ICA1: variants seen among roughly 807,000 people sequenced by gnomAD.
ICA1 encodes islet cell autoantigen 1, also known as 69 kDa islet cell autoantigen.
In ICA1, 40 loss-of-function variants were observed where a neutral mutation model predicts 71.0. That is an observed-to-expected ratio of 0.56 (90% CI 0.44 to 0.73). The LOEUF (loss-of-function observed/expected upper bound fraction) is 0.73, where lower values mean the gene tolerates loss of function less well. ICA1 is among the 30% of genes least tolerant of loss of function. ICA1 has a pLI of 0.00. For synonymous variants in ICA1, 207 were observed against 209.5 expected (o/e 0.99, Z 0.10); for missense variants, 578 against 576.5 (o/e 1.00, Z -0.03).
Position 8,185,252 on chromosome 7 carries a change from G to C in ICA1, c.580-26600C>G, listed in dbSNP as rs190175024. ...AATCCTGACCTTGTAAGAATTATAA[G>C]TGAACACATCAATGTACCTAATGTA... On this transcript the variant is annotated intron_variant, in intron 6 of 13. Transcript: ENST00000402384. Among the ~76,000 whole-genome samples the C allele has an allele frequency of 1.4e-4, 22 of 152,238 alleles. No individual in the cohort carries two copies. The East Asian group carries it at 4.2e-3, about 29-fold the overall frequency.
intron 6 of ICA1, among the ~76,000 whole-genome samples, chr7:8,187,767 T>G (rs189387224): frequency 7.2e-4 from 110 of 152,354 alleles, no homozygotes; most frequent in Non-Finnish European, 7.8e-4. Context: ...TTTTCACTTT[T>G]TAAACTTCTT....
At chr7:8,118,718 G>C (rs1429752449) in intron 13 of ICA1, among the ~76,000 whole-genome samples, 1 of 152,158 alleles carries the variant, frequency 6.6e-6, no homozygotes, top group Non-Finnish European at 1.5e-5. Context: ...ACTGGTAACT[G>C]TCACCCTTTC....
At position 8,113,293 on chromosome 7, in the gene ICA1, G is replaced by C. The variant is rs1783756265; in HGVS notation, c.*630C>G. 6.6e-6 allele frequency: 1 copy of C among 152,078 alleles called. No homozygotes were observed. Among genetic ancestry groups the C allele is most frequent in the Admixed American group, 6.5e-5 (1 of 15,272 alleles). The allele number at this position is 152,078 out of a possible 1,614,324, so 9.4% of individuals were successfully genotyped here. ...ATTCCAGCCACGAAGAGGACAAAAGGAGACAGTGGTATCTGCAAATATGGC... is the reference window on the plus strand; with the variant it reads ...ATTCCAGCCACGAAGAGGACAAAAGCAGACAGTGGTATCTGCAAATATGGC... On this transcript the variant is annotated 3_prime_UTR_variant, in exon 14 of 14. Coordinates refer to ENST00000402384, the MANE Select transcript of ICA1 (RefSeq NM_001136020.3). The surrounding 1 kb of genome is among the most constrained non-coding windows in gnomAD (Gnocchi z 4.2).
At chr7:8,227,395 G>A (rs990390780) in intron 4 of ICA1, among the ~76,000 whole-genome samples, 1 of 152,126 alleles carries the variant, frequency 6.6e-6, no homozygotes, top group Non-Finnish European at 1.5e-5. Flanking sequence ...AGCTATTTAG[G>A]AGGCAAAATA....
chr7:8,254,443 G>C (rs1809323459), intron 1 of ICA1, among the ~76,000 whole-genome samples: 1 of 150,474 alleles, frequency 6.6e-6, no homozygotes, highest in Non-Finnish European at 1.5e-5. Flanking sequence ...GCAGGCAGCA[G>C]AAGAAAGCAC....
At chr7:8,229,898 A>G (rs779057547) in intron 3 of ICA1, among the ~76,000 whole-genome samples, 2 of 152,222 alleles carry the variant, frequency 1.3e-5, no homozygotes, top group African/African-American at 2.4e-5. Flanking sequence ...AAAACCCACT[A>G]ACACATAGTA....
At chr7:8,211,251 A>C (rs894668945) in intron 6 of ICA1, among the ~76,000 whole-genome samples, 7 of 152,156 alleles carry the variant, frequency 4.6e-5, no homozygotes, top group Non-Finnish European at 8.8e-5. Flanking sequence ...AAATATGGTA[A>C]CTATAAAAAA....
At chr7:8,151,785 T>A (rs574505247) in intron 8 of ICA1, among the ~76,000 whole-genome samples, 17 of 152,160 alleles carry the variant, frequency 1.1e-4, no homozygotes, top group Non-Finnish European at 2.2e-4. Context: ...TAGAAAAGGA[T>A]GTTTTTTGAA....
At chr7:8,125,153 G>C (rs1788681321) in intron 13 of ICA1, among the ~76,000 whole-genome samples, 1 of 152,206 alleles carries the variant, frequency 6.6e-6, no homozygotes, top group African/African-American at 2.4e-5. Context: ...CTAGCAGACA[G>C]AATGACCCTT....
intron 3 of ICA1, among the ~76,000 whole-genome samples, chr7:8,230,674 A>G (rs1016875606): frequency 6.6e-6 from 1 of 152,244 alleles, no homozygotes; most frequent in African/African-American, 2.4e-5. Context: ...GTTCTTAAGA[A>G]GAAAATACTA....
chr7:8,158,764 T>C, intron 6 of ICA1, 112 bp from the exon 7 acceptor site: 1 of 1,115,652 alleles, frequency 9.0e-7, no homozygotes. Context: ...GAAAAGACTT[T>C]TGAAAATTCC....
At chr7:8,161,638 G>T (rs1438009254) in intron 6 of ICA1, among the ~76,000 whole-genome samples, 1 of 152,194 alleles carries the variant, frequency 6.6e-6, no homozygotes, top group Non-Finnish European at 1.5e-5. Flanking sequence ...CTGGAGGGGG[G>T]TGAGAAACAT....
chr7:8,250,189 TTGTCTC>T (rs1227546615), intron 1 of ICA1, among the ~76,000 whole-genome samples: 1 of 152,240 alleles, frequency 6.6e-6, no homozygotes, highest in Admixed American at 6.5e-5. Flanking sequence ...TCCTAGATGT[TTGTCTC>T]TGTCACTTCC....
intron 8 of ICA1, among the ~76,000 whole-genome samples, chr7:8,153,143 C>T (rs1174079189): frequency 6.6e-6 from 1 of 152,234 alleles, no homozygotes; most frequent in Non-Finnish European, 1.5e-5. Context: ...AAAGCTAGGT[C>T]TGGCTGGCTC....
Position 8,133,891 on chromosome 7 carries a change from C to A in ICA1, c.1060+4949G>T, listed in dbSNP as rs73674827. On this transcript the variant is annotated intron_variant, in intron 12 of 13. Coordinates refer to ENST00000402384, the MANE Select transcript of ICA1 (RefSeq NM_001136020.3). ...TGCAACCAATAGGAATCTTAGAGAT[C>A]ATCTCCTCTAACTCACTTTACAGAT... is the stretch of plus-strand genomic sequence containing the variant. 7.7e-3 allele frequency among the ~76,000 whole-genome samples: 1,024 copies of A among 133,456 alleles called. 13 individuals carry two copies. The highest frequency in any genetic ancestry group is 0.028 in the African/African-American group (967 of 35,130). The allele number at this position is 133,456 out of a possible 152,430, so 87.6% of individuals were successfully genotyped here. A position where few individuals can be genotyped will look rare whatever the true frequency, so the allele number is the denominator to read the frequency against.
intron 1 of ICA1, among the ~76,000 whole-genome samples, chr7:8,250,833 G>A (rs1807911543): frequency 6.6e-6 from 1 of 152,136 alleles, no homozygotes; most frequent in Non-Finnish European, 1.5e-5. Flanking sequence ...TAACACTACA[G>A]ATGCAAGCCA....
At chr7:8,124,383 T>C (rs1466920316) in intron 13 of ICA1, among the ~76,000 whole-genome samples, 4 of 150,840 alleles carry the variant, frequency 2.7e-5, no homozygotes, top group Non-Finnish European at 1.5e-5. Context: ...CCTCCCAAAG[T>C]GCTGGGATTA....
chr7:8,175,244 G>T (rs1780220976), intron 6 of ICA1, among the ~76,000 whole-genome samples: 1 of 152,130 alleles, frequency 6.6e-6, no homozygotes, highest in Admixed American at 6.6e-5. Flanking sequence ...CAATAAAGAA[G>T]CAAAAGGAGA....
intron 6 of ICA1, among the ~76,000 whole-genome samples, chr7:8,211,407 C>A (rs1039794114): frequency 1.3e-5 from 2 of 152,218 alleles, no homozygotes; most frequent in African/African-American, 4.8e-5. Flanking sequence ...GTGGTTAATG[C>A]GTTTGGTAGT....
Sources: allele counts gnomAD v4.1 joint callset (sites outside exome capture counted in the v4.1 genomes callset), GRCh38; gene constraint gnomAD v4.1.1; non-coding constraint Gnocchi (gnomAD v3.1); transcripts MANE v1.5; gene names NCBI Gene and HGNC (gene_info 2026-07-23, HGNC 2026-07-21).